FGF12: variants seen among roughly 807,000 people sequenced by gnomAD.
FGF12 encodes the protein fibroblast growth factor 12.
Under a neutral mutation model 23.6 loss-of-function variants are expected in FGF12, and 14 were observed. The ratio of observed to expected loss-of-function variants is 0.59; its 90% CI spans 0.39 to 0.93. FGF12 has a LOEUF of 0.93. Among genes scored for constraint, FGF12 ranks in the 40% least tolerant of loss-of-function variants. The pLI is 0.00. For missense variants in FGF12, 175 were observed against 217.8 expected, an observed-to-expected ratio of 0.80 and a Z score of 1.24; for synonymous variants, 62 against 77.3, an observed-to-expected ratio of 0.80 and a Z score of 1.04.
In FGF12 at chr3:192,146,382, T is replaced by A. The variant is rs112967427; in HGVS notation, c.428-2255A>T. On this transcript the variant is annotated intron_variant, in intron 5 of 5. Coordinates refer to ENST00000445105, the MANE Select transcript of FGF12 (RefSeq NM_004113.6). The stretch of plus-strand genomic sequence containing the variant: ...GCCTCCCGGGTTCATGCCATTCTCC[T>A]GTCTCAGCCTCCCAAGTAGCTGGGA... Among the ~76,000 whole-genome samples, 1,134 of 151,834 alleles carry A rather than the reference T, an allele frequency of 7.5e-3. 16 individuals carry two copies. Among genetic ancestry groups the A allele is most frequent in the African/African-American group, 0.026 (1,061 of 41,366 alleles).
chr3:192,389,502 A>G (rs1720203847), intron 2 of FGF12, among the ~76,000 whole-genome samples: 1 of 152,250 alleles, frequency 6.6e-6, no homozygotes, highest in Non-Finnish European at 1.5e-5. Flanking sequence ...CCATTTGTCT[A>G]TTCCAGATTT....
intron 2 of FGF12, among the ~76,000 whole-genome samples, chr3:192,366,606 T>C (rs900859087): frequency 6.6e-6 from 1 of 152,212 alleles, no homozygotes; most frequent in Non-Finnish European, 1.5e-5. Flanking sequence ...CTGCACCACT[T>C]TGACCCAAAG....
At chr3:192,455,626 A>T (rs1446462509) in intron 2 of FGF12, among the ~76,000 whole-genome samples, 1 of 152,250 alleles carries the variant, frequency 6.6e-6, no homozygotes, top group Non-Finnish European at 1.5e-5. Flanking sequence ...TGCTAAATAT[A>T]AACATACGTG....
In FGF12 at chr3:192,571,284, A is replaced by G. The variant is rs1712622248; in HGVS notation, c.13+155897T>C. 2.6e-5 allele frequency among the ~76,000 whole-genome samples: 4 copies of G among 152,244 alleles called. No individual in the cohort carries two copies. The South Asian group carries it at 8.3e-4, about 31-fold the overall frequency. ...ATTCTGGAGGATCGCTCTTTCTGCA[A>G]ACATCGCGGTCTGTGAAATCTGCCC... On this transcript the variant is annotated intron_variant, in intron 2 of 5. Coordinates refer to ENST00000445105, the MANE Select transcript of FGF12 (RefSeq NM_004113.6).
intron 4 of FGF12, among the ~76,000 whole-genome samples, chr3:192,208,556 A>G (rs926724579): frequency 2.6e-5 from 4 of 152,236 alleles, no homozygotes; most frequent in Non-Finnish European, 2.9e-5. Context: ...CCAAATTATA[A>G]AAGAAAAACT....
chr3:192,612,015 A>C (rs2108640298), intron 2 of FGF12, among the ~76,000 whole-genome samples: 1 of 152,080 alleles, frequency 6.6e-6, no homozygotes, highest in East Asian at 1.9e-4. Flanking sequence ...AACCCTGTTA[A>C]ACAGGCCTGC....
chr3:192,537,363 T>C (rs1421080293), intron 2 of FGF12, among the ~76,000 whole-genome samples: 2 of 152,174 alleles, frequency 1.3e-5, no homozygotes, highest in South Asian at 2.1e-4. Context: ...TTTTAGTTTT[T>C]TGAAGAACCT....
intron 5 of FGF12, among the ~76,000 whole-genome samples, chr3:192,156,764 TATC>T (rs1714447991): frequency 6.6e-6 from 1 of 152,234 alleles, no homozygotes. Flanking sequence ...CTAATGCATG[TATC>T]ATCATAATAG....
intron 2 of FGF12, among the ~76,000 whole-genome samples, chr3:192,583,007 A>G (rs985883746): frequency 6.6e-6 from 1 of 152,070 alleles, no homozygotes; most frequent in Admixed American, 6.5e-5. Flanking sequence ...ATGAGATTTT[A>G]TCTGTTCCTC....
chr3:192,727,341 T>C lies in FGF12; in HGVS notation c.-130-18A>G. Reference sequence around the variant, plus strand: ...CAGGCTTCCTGAAAGATGGGATTTCTTAAACCTTGAAGCTGCAATCAGCCA... The same window carrying C: ...CAGGCTTCCTGAAAGATGGGATTTCCTAAACCTTGAAGCTGCAATCAGCCA... On this transcript the variant is annotated intron_variant, in intron 1 of 5. Transcript: ENST00000445105. The C allele has an allele frequency of 6.5e-7, 1 of 1,540,084 alleles. No individual in the cohort carries two copies. The highest frequency in any genetic ancestry group is 8.8e-7 in the Non-Finnish European group (1 of 1,142,390).
chr3:192,341,170 C>G (rs144136836), intron 3 of FGF12, among the ~76,000 whole-genome samples: 1 of 152,186 alleles, frequency 6.6e-6, no homozygotes, highest in Non-Finnish European at 1.5e-5. Context: ...ACAGACATTT[C>G]TCAAGAACAA....
chr3:192,360,317 T>C lies in FGF12; in HGVS notation c.124+111A>G, dbSNP rs1380118139. 2.8e-6 allele frequency: 2 copies of C among 708,304 alleles called. No homozygotes were observed. Among genetic ancestry groups the C allele is most frequent in the Non-Finnish European group, 5.0e-6 (2 of 400,910 alleles). 43.9% of individuals were successfully genotyped at this position (708,304 alleles called of 1,614,324 possible). ...AGACACTAGCTTACTAATAGTTAAA[T>C]AGTTTGAAAGGCATAGTTTGGTAAG... On this transcript the variant is annotated intron_variant, in intron 3 of 5. Transcript: ENST00000445105. The surrounding 1 kb of genome is among the most constrained non-coding windows in gnomAD (Gnocchi z 4.3).
intron 2 of FGF12, among the ~76,000 whole-genome samples, chr3:192,432,639 A>AAAAAGAAAG (rs1553812376): frequency 1.5e-5 from 2 of 137,090 alleles, no homozygotes; most frequent in African/African-American, 5.7e-5. Flanking sequence ...AAAAAAAAAA[A>AAAAAGAAAG]AAAGAAAGAA....
chr3:192,488,322 A>T (rs1723697956), intron 2 of FGF12, among the ~76,000 whole-genome samples: 1 of 152,248 alleles, frequency 6.6e-6, no homozygotes, highest in South Asian at 2.1e-4. Flanking sequence ...TTCATCACTA[A>T]TAACCACATA....
chr3:192,359,282 TG>T (rs1718615248), intron 3 of FGF12, among the ~76,000 whole-genome samples: 2 of 152,162 alleles, frequency 1.3e-5, no homozygotes, highest in Admixed American at 6.5e-5. Flanking sequence ...TTAGAAAGGG[TG>T]GACAAGGGCA....
At chr3:192,550,152 G>A (rs1725595560) in intron 2 of FGF12, among the ~76,000 whole-genome samples, 1 of 151,372 alleles carries the variant, frequency 6.6e-6, no homozygotes, top group African/African-American at 2.4e-5. Context: ...AGGAAATTGG[G>A]ATGGTTAATT....
chr3:192,711,023 C>T (rs1718648854), intron 2 of FGF12, among the ~76,000 whole-genome samples: 2 of 152,312 alleles, frequency 1.3e-5, no homozygotes, highest in South Asian at 4.1e-4. Flanking sequence ...AGATCATTGA[C>T]AACAAGCCCC....
At chr3:192,307,080 AAAT>A (rs1370235773) in intron 4 of FGF12, among the ~76,000 whole-genome samples, 2 of 152,198 alleles carry the variant, frequency 1.3e-5, no homozygotes, top group Non-Finnish European at 2.9e-5. Flanking sequence ...GTTATGTGAA[AAAT>A]AATAATTTTC....
At chr3:192,577,085 T>C (rs1371563241) in intron 2 of FGF12, among the ~76,000 whole-genome samples, 2 of 152,052 alleles carry the variant, frequency 1.3e-5, no homozygotes, top group Non-Finnish European at 2.9e-5. Context: ...GGGATAGCAT[T>C]AGGAGAAATA....
Sources: gnomAD v4.1 joint callset for allele counts (sites outside exome capture counted in the v4.1 genomes callset) on GRCh38, gnomAD v4.1.1 for gene constraint, Gnocchi (gnomAD v3.1) non-coding constraint, MANE v1.5 for transcripts, NCBI Gene and HGNC (gene_info 2026-07-23, HGNC 2026-07-21) for gene names.